The following CETN3 variants were observed in gnomAD, a reference collection of about 807,000 sequenced individuals.
The protein encoded by CETN3 is centrin-3.
CETN3 carries 17 observed loss-of-function variants against 20.1 expected under a neutral mutation model. The ratio of observed to expected loss-of-function variants is 0.85; its 90% CI spans 0.58 to 1.27. The LOEUF is 1.27. CETN3 is among the 50% of genes most tolerant of loss of function. The pLI is 0.00. For missense variants in CETN3, 169 were observed against 191.2 expected (o/e 0.88, Z 0.69); for synonymous variants, 52 against 59.7 (o/e 0.87, Z 0.59).
chr5:90,401,943 G>A (rs1231052641), intron 3 of CETN3, among the ~76,000 whole-genome samples: 1 of 152,068 alleles, frequency 6.6e-6, no homozygotes, highest in East Asian at 1.9e-4. Context: ...TCAACTCCTG[G>A]GCTCAAGCAA....
intron 4 of CETN3, among the ~76,000 whole-genome samples, chr5:90,398,021 C>T (rs1193972182): frequency 4.0e-5 from 6 of 151,780 alleles, no homozygotes; most frequent in Admixed American, 3.9e-4. Context: ...TCATTTTTTC[C>T]AAAAGATGTG....
intron 2 of CETN3, among the ~76,000 whole-genome samples, chr5:90,406,856 C>A (rs3111164): frequency 0.86 from 107,674 of 125,582 alleles, 45,630 homozygotes; most frequent in East Asian, 0.9. Context: ...AAAAAAAAAA[C>A]AAAAAAAACA....
chr5:90,396,147 G>A (rs1377574056), intron 4 of CETN3: 5 of 983,474 alleles, frequency 5.1e-6, no homozygotes, highest in South Asian at 4.7e-5. Flanking sequence ...GCTGGGGTGG[G>A]AGAATACCAT....
At chr5:90,395,451 T>TTTAA (rs922997261) in intron 4 of CETN3, among the ~76,000 whole-genome samples, 4 of 152,044 alleles carry the variant, frequency 2.6e-5, no homozygotes, top group South Asian at 2.1e-4. Context: ...ATTATTAAAA[T>TTTAA]TTAATTAATT....
chr5:90,395,039 A>G lies in CETN3; in HGVS notation c.461-932T>C, dbSNP rs565393972. On this transcript the variant is annotated intron_variant, in intron 4 of 4. Coordinates refer to ENST00000283122, the MANE Select transcript of CETN3 (RefSeq NM_004365.4). ...TTTGATAATGCCAAAAGAAAACTAC[A>G]CTGAGACTTAAGACCTGGTCTCTAG... is the stretch of plus-strand genomic sequence containing the variant. Among the ~76,000 whole-genome samples the G allele has an allele frequency of 1.3e-4, 20 of 152,290 alleles. No individual in the cohort carries two copies. In the South Asian group the frequency reaches 2.5e-3, roughly 19 times the overall value.
intron 3 of CETN3, among the ~76,000 whole-genome samples, chr5:90,400,945 C>T (rs1430084132): frequency 6.6e-6 from 1 of 152,110 alleles, no homozygotes; most frequent in Non-Finnish European, 1.5e-5. Context: ...GGCACATACT[C>T]AACTTATTTT....
intron 3 of CETN3, among the ~76,000 whole-genome samples, chr5:90,401,100 G>A (rs1226006297): frequency 6.6e-6 from 1 of 152,158 alleles, no homozygotes; most frequent in African/African-American, 2.4e-5. Flanking sequence ...CAGGGTGATT[G>A]GGGAACAGAT....
Position 90,405,793 on chromosome 5 carries a change from T to C in CETN3, c.160A>G (p.Met54Val), listed in dbSNP as rs746882348. ...AIDYHELKVA[M>V]RALGFDVKKA... ...TTTACATCAAACCCCAAGGCTCTCA[T>C]TGCCACCTTTTGGATTAAAAAGGAA... The change falls in exon 3 of 5, where the codon ATG becomes GTG. Residue 54 changes from methionine (M) to valine (V), a missense_variant. Physicochemically the swap from Met to Val is conservative, Grantham distance 21 (BLOSUM62 1). Transcript: ENST00000283122. 23 of 1,598,120 alleles carry C rather than the reference T, an allele frequency of 1.4e-5. No individual in the cohort carries two copies. The highest frequency in any genetic ancestry group is 4.0e-5 in the African/African-American group (3 of 74,222).
At position 90,392,494 on chromosome 5, in the gene CETN3, C is replaced by G. The variant is rs1749043231; in HGVS notation, c.*1570G>C. 1 of 152,152 alleles carries G rather than the reference C, an allele frequency of 6.6e-6. No individual in the cohort carries two copies. Among genetic ancestry groups the G allele is most frequent in the Non-Finnish European group, 1.5e-5 (1 of 68,032 alleles). 9.4% of individuals were successfully genotyped at this position (152,152 alleles called of 1,614,324 possible). A position where few individuals can be genotyped will look rare whatever the true frequency, so the allele number is the denominator to read the frequency against. Reference sequence around the variant, plus strand: ...AAATATCATGTTGAATTGTAATCCCCAGTACTGGAGGTGAGGTCTGGTGGG... The same window carrying G: ...AAATATCATGTTGAATTGTAATCCCGAGTACTGGAGGTGAGGTCTGGTGGG... On this transcript the variant is annotated 3_prime_UTR_variant, in exon 5 of 5. Coordinates refer to ENST00000283122, the MANE Select transcript of CETN3 (RefSeq NM_004365.4).
chr5:90,392,775 T>C lies in CETN3; in HGVS notation c.*1289A>G, dbSNP rs1019511368. The C allele has an allele frequency of 2.0e-5, 3 of 152,224 alleles. No homozygotes were observed. The highest frequency in any genetic ancestry group is 4.4e-5 in the Non-Finnish European group (3 of 68,034). The allele number at this position is 152,224 out of a possible 1,614,324, so 9.4% of individuals were successfully genotyped here. A position where few individuals can be genotyped will look rare whatever the true frequency, so the allele number is the denominator to read the frequency against. On this transcript the variant is annotated 3_prime_UTR_variant, in exon 5 of 5. Coordinates refer to ENST00000283122, the MANE Select transcript of CETN3 (RefSeq NM_004365.4). ...ATATGCAGTCTTGGGTATTTCTTCG[T>C]AGCAATACAAGAATGACTTAATATA...
Position 90,409,657 on chromosome 5 carries a change from C to G in CETN3, c.5G>C (p.Ser2Thr). The G allele has an allele frequency of 6.2e-7, 1 of 1,614,166 alleles. No individual in the cohort carries two copies. Among genetic ancestry groups the G allele is most frequent in the Non-Finnish European group, 8.5e-7 (1 of 1,180,036 alleles). The change falls in exon 1 of 5, where the codon AGT (serine) becomes ACT (threonine). Residue 2 changes from serine to threonine, a missense_variant. Transcript: ENST00000283122. MSLALRSELVVD... is the reference protein window; with the variant it reads MTLALRSELVVD... ...CCTTATTACCGACCTCAGAGCTAAA[C>G]TCATTATCTCTTCGCACAGAGACGT...
intron 1 of CETN3, among the ~76,000 whole-genome samples, chr5:90,408,171 C>T (rs1749512412): frequency 6.6e-6 from 1 of 151,830 alleles, no homozygotes; most frequent in South Asian, 2.1e-4. Flanking sequence ...CAACCAACTC[C>T]AACCAAAAAA....
intron 3 of CETN3, among the ~76,000 whole-genome samples, chr5:90,402,722 G>A (rs923508520): frequency 1.3e-5 from 2 of 152,186 alleles, no homozygotes; most frequent in African/African-American, 4.8e-5. Context: ...GAAGGGGTGT[G>A]GTGGTGTACA....
At chr5:90,395,152 C>G (rs964849503) in intron 4 of CETN3, among the ~76,000 whole-genome samples, 1 of 152,078 alleles carries the variant, frequency 6.6e-6, no homozygotes, top group Non-Finnish European at 1.5e-5. Flanking sequence ...TTGTTTAACT[C>G]TTATTTACCA....
intron 2 of CETN3, among the ~76,000 whole-genome samples, chr5:90,407,211 AT>A: frequency 6.6e-6 from 1 of 152,142 alleles, no homozygotes; most frequent in Non-Finnish European, 1.5e-5. Context: ...TAAAGCTGAC[AT>A]TTTTACCTAT....
intron 3 of CETN3, among the ~76,000 whole-genome samples, chr5:90,400,155 G>C (rs1249134882): frequency 6.6e-6 from 1 of 152,090 alleles, no homozygotes; most frequent in African/African-American, 2.4e-5. Context: ...AATTTACAAA[G>C]TAGTAAATAG....
intron 4 of CETN3, 70 bp downstream of exon 4, chr5:90,399,288 G>C: frequency 7.0e-7 from 1 of 1,433,882 alleles, no homozygotes; most frequent in Non-Finnish European, 9.8e-7. Context: ...CAAGTCATTT[G>C]GTTTTAGAAA....
At chr5:90,402,425 C>T (rs1002762885) in intron 3 of CETN3, among the ~76,000 whole-genome samples, 2 of 152,300 alleles carry the variant, frequency 1.3e-5, no homozygotes, top group African/African-American at 2.4e-5. Flanking sequence ...AGAACACTAC[C>T]TAGTTTCCCA....
At chr5:90,403,112 A>G (rs1333575274) in intron 3 of CETN3, among the ~76,000 whole-genome samples, 1 of 152,210 alleles carries the variant, frequency 6.6e-6, no homozygotes, top group East Asian at 1.9e-4. Context: ...TAAATTAAAT[A>G]TATTTTAAAG....
Sources: gnomAD v4.1 joint callset for allele counts (sites outside exome capture counted in the v4.1 genomes callset) on GRCh38, gnomAD v4.1.1 for gene constraint, MANE v1.5 for transcripts, NCBI Gene and HGNC (gene_info 2026-07-23, HGNC 2026-07-21) for gene names.